The following SESN1 variants were observed in gnomAD, a reference collection of about 807,000 sequenced individuals.
SESN1 encodes the protein sestrin-1.
In SESN1, 30 loss-of-function variants were observed where a neutral mutation model predicts 59.3. The observed-to-expected ratio is 0.51, with a 90% CI of 0.38 to 0.69. SESN1 has a LOEUF of 0.69. Ranked by LOEUF, SESN1 falls within the 30% of genes least tolerant of loss-of-function variation. The pLI, the probability that SESN1 is intolerant of heterozygous loss-of-function variation, is 0.00. For missense variants in SESN1, 566 were observed against 673.0 expected (o/e 0.84, Z 1.76); for synonymous variants, 197 against 219.9 (o/e 0.90, Z 0.92).
At chr6:109,031,893 G>A (rs555243188) in intron 1 of SESN1, among the ~76,000 whole-genome samples, 2 of 152,228 alleles carry the variant, frequency 1.3e-5, no homozygotes, top group East Asian at 3.9e-4. Flanking sequence ...TATATATAAT[G>A]AAATATCTTG....
At chr6:109,032,865 A>G (rs1344750696) in intron 1 of SESN1, among the ~76,000 whole-genome samples, 1 of 152,130 alleles carries the variant, frequency 6.6e-6, no homozygotes, top group African/African-American at 2.4e-5. Flanking sequence ...GTTTTTTAAA[A>G]AACAATTTTT....
At chr6:109,016,771 T>TA (rs1779933910) in intron 1 of SESN1, among the ~76,000 whole-genome samples, 1 of 152,228 alleles carries the variant, frequency 6.6e-6, no homozygotes, top group Admixed American at 6.5e-5. Context: ...TAATACCACT[T>TA]AAAAATGTAT....
chr6:109,089,154 T>C (rs1334993357), intron 1 of SESN1, among the ~76,000 whole-genome samples: 1 of 152,190 alleles, frequency 6.6e-6, no homozygotes, highest in Non-Finnish European at 1.5e-5. Context: ...CCCTTTTAGC[T>C]GACCTATAGC....
chr6:109,062,880 G>GTC (rs567889404), intron 1 of SESN1, among the ~76,000 whole-genome samples: 2 of 151,806 alleles, frequency 1.3e-5, no homozygotes, highest in African/African-American at 2.4e-5. Flanking sequence ...TGTGAATGTG[G>GTC]TCTCTCTCTC....
chr6:109,042,993 T>C (rs950216682), intron 1 of SESN1, among the ~76,000 whole-genome samples: 1 of 152,088 alleles, frequency 6.6e-6, no homozygotes, highest in Non-Finnish European at 1.5e-5. Context: ...AAGCATTATA[T>C]ATCAAGATTT....
chr6:109,006,614 T>G (rs187233260), intron 1 of SESN1, among the ~76,000 whole-genome samples: 3 of 152,310 alleles, frequency 2.0e-5, no homozygotes, highest in African/African-American at 7.2e-5. Context: ...TCTTTCATTA[T>G]TATTCTTTTG....
At chr6:109,058,461 C>A (rs984703235) in intron 1 of SESN1, among the ~76,000 whole-genome samples, 14 of 152,138 alleles carry the variant, frequency 9.2e-5, no homozygotes, top group African/African-American at 3.4e-4. Flanking sequence ...TAAGTACACT[C>A]TGTGATGTTT....
At chr6:108,999,238 T>C (rs12200531) in intron 4 of SESN1, 17,049 of 152,808 alleles carry the variant, frequency 0.11, 1,049 homozygotes, top group Middle Eastern at 0.19. Flanking sequence ...AAAAGTTATA[T>C]ATAACTTCTA....
chr6:108,995,697 C>T (rs1162470098), intron 5 of SESN1, among the ~76,000 whole-genome samples: 1 of 152,182 alleles, frequency 6.6e-6, no homozygotes, highest in African/African-American at 2.4e-5. Context: ...AGGAGAATCA[C>T]TTGAGCCCAG....
intron 1 of SESN1, among the ~76,000 whole-genome samples, chr6:109,080,984 A>C (rs1400674402): frequency 1.3e-5 from 2 of 152,196 alleles, no homozygotes; most frequent in Non-Finnish European, 2.9e-5. Flanking sequence ...TTTTGTGTTT[A>C]GATTTGGGTT....
intron 5 of SESN1, among the ~76,000 whole-genome samples, chr6:108,997,504 TA>T (rs2114292154): frequency 6.6e-6 from 1 of 152,330 alleles, no homozygotes; most frequent in African/African-American, 2.4e-5. Flanking sequence ...TTTCTTGTGC[TA>T]ATTTCACCAT....
intron 1 of SESN1, among the ~76,000 whole-genome samples, chr6:109,075,221 CTT>C (rs1218310752): frequency 2.0e-5 from 3 of 152,210 alleles, no homozygotes; most frequent in African/African-American, 7.2e-5. Flanking sequence ...AGGAAGGACT[CTT>C]TTCCTAACTC....
chr6:109,043,764 T>G (rs1780378108), intron 1 of SESN1, among the ~76,000 whole-genome samples: 1 of 152,206 alleles, frequency 6.6e-6, no homozygotes, highest in Non-Finnish European at 1.5e-5. Context: ...TAGTAAGGTG[T>G]CCATTTTTCC....
At chr6:109,018,853 T>C (rs1177990923) in intron 1 of SESN1, among the ~76,000 whole-genome samples, 2 of 152,162 alleles carry the variant, frequency 1.3e-5, no homozygotes, top group Non-Finnish European at 1.5e-5. Flanking sequence ...TCTCTGAACA[T>C]GTAGAGCACG....
chr6:108,989,818 A>G (rs549785177), intron 8 of SESN1, among the ~76,000 whole-genome samples: 1 of 152,218 alleles, frequency 6.6e-6, no homozygotes, highest in East Asian at 1.9e-4. Flanking sequence ...CCACTGGGTA[A>G]TGGATTTCCA....
At chr6:109,076,630 C>T (rs1781036689) in intron 1 of SESN1, among the ~76,000 whole-genome samples, 1 of 151,944 alleles carries the variant, frequency 6.6e-6, no homozygotes, top group Non-Finnish European at 1.5e-5. Flanking sequence ...AAAATGAGGC[C>T]AAAACTTAGT....
chr6:109,090,599 C>T (rs893806242), intron 1 of SESN1: 5 of 152,098 alleles, frequency 3.3e-5, no homozygotes, highest in Non-Finnish European at 4.4e-5. Flanking sequence ...ATTTACCATT[C>T]ATTAAGTGGA....
At chr6:109,069,475 C>A (rs1046268499) in intron 1 of SESN1, among the ~76,000 whole-genome samples, 1 of 151,946 alleles carries the variant, frequency 6.6e-6, no homozygotes, top group Non-Finnish European at 1.5e-5. Context: ...TCAACTGTAA[C>A]AAAATCTGAG....
intron 1 of SESN1, among the ~76,000 whole-genome samples, chr6:109,012,374 C>G (rs1164641079): frequency 6.6e-6 from 1 of 151,286 alleles, no homozygotes; most frequent in African/African-American, 2.4e-5. Flanking sequence ...TATTTCCTTT[C>G]TTTTAAAAAG....
Sources: allele counts gnomAD v4.1 joint callset (sites outside exome capture counted in the v4.1 genomes callset), GRCh38; gene constraint gnomAD v4.1.1; transcripts MANE v1.5; gene names NCBI Gene and HGNC (gene_info 2026-07-23, HGNC 2026-07-21).